KCNH8: variants seen among roughly 807,000 people sequenced by gnomAD.
KCNH8 encodes the protein voltage-gated delayed rectifier potassium channel KCNH8.
A neutral mutation model predicts 103.6 loss-of-function variants in KCNH8; 70 were observed. That is an observed-to-expected ratio of 0.68 (90% confidence interval 0.56 to 0.82). The LOEUF (loss-of-function observed/expected upper bound fraction) is 0.82, where lower values mean the gene tolerates loss of function less well. Among genes scored for constraint, KCNH8 ranks in the 40% least tolerant of loss-of-function variants. KCNH8 has a pLI of 0.00. For missense variants in KCNH8, 1,217 were observed against 1,329.9 expected, an observed-to-expected ratio of 0.92 and a Z score of 1.32; for synonymous variants, 498 against 489.4, an observed-to-expected ratio of 1.02 and a Z score of -0.23.
intron 5 of KCNH8, among the ~76,000 whole-genome samples, chr3:19,385,424 G>T (rs2066343327): frequency 6.6e-6 from 1 of 152,074 alleles, no homozygotes; most frequent in Admixed American, 6.6e-5. Flanking sequence ...TGACCCTACA[G>T]ATACAAAGCA....
At chr3:19,397,063 G>A (rs2066529754) in intron 7 of KCNH8, among the ~76,000 whole-genome samples, 2 of 151,844 alleles carry the variant, frequency 1.3e-5, no homozygotes, top group Non-Finnish European at 2.9e-5. Flanking sequence ...CAACATGCCA[G>A]GCTTGCTGCA....
intron 1 of KCNH8, among the ~76,000 whole-genome samples, chr3:19,167,479 T>C (rs774495912): frequency 3.9e-5 from 6 of 152,208 alleles, no homozygotes; most frequent in Non-Finnish European, 7.3e-5. Context: ...GAAGATTATC[T>C]ATTGAATCAT....
intron 11 of KCNH8, among the ~76,000 whole-genome samples, chr3:19,476,936 T>C (rs1239794530): frequency 1.3e-5 from 2 of 152,176 alleles, no homozygotes; most frequent in Non-Finnish European, 2.9e-5. Context: ...TTTGTATATA[T>C]TGTCAATGTC....
At chr3:19,202,434 C>G (rs1241313069) in intron 1 of KCNH8, among the ~76,000 whole-genome samples, 1 of 152,056 alleles carries the variant, frequency 6.6e-6, no homozygotes, top group Non-Finnish European at 1.5e-5. Flanking sequence ...CAGCCTGTCC[C>G]TCTATTCTCA....
At chr3:19,203,880 CTG>C (rs1484441095) in intron 1 of KCNH8, among the ~76,000 whole-genome samples, 1 of 151,856 alleles carries the variant, frequency 6.6e-6, no homozygotes, top group Non-Finnish European at 1.5e-5. Flanking sequence ...CAGAAAGTGA[CTG>C]TTATGCTATG....
intron 2 of KCNH8, among the ~76,000 whole-genome samples, chr3:19,257,836 G>A (rs1412911351): frequency 6.6e-6 from 1 of 152,080 alleles, no homozygotes; most frequent in Non-Finnish European, 1.5e-5. Context: ...CCGGAAGCTA[G>A]TAGTTCCTCT....
At chr3:19,405,503 G>A (rs2066678366) in intron 7 of KCNH8, among the ~76,000 whole-genome samples, 1 of 151,918 alleles carries the variant, frequency 6.6e-6, no homozygotes, top group African/African-American at 2.4e-5. Context: ...AGAAAATGAT[G>A]TATTTTATTA....
At chr3:19,159,886 G>A (rs978064336) in intron 1 of KCNH8, among the ~76,000 whole-genome samples, 1 of 152,050 alleles carries the variant, frequency 6.6e-6, no homozygotes, top group Non-Finnish European at 1.5e-5. Flanking sequence ...AGTGGAGTCA[G>A]TTGGAAATAT....
intron 1 of KCNH8, among the ~76,000 whole-genome samples, chr3:19,204,401 CT>C (rs2063693132): frequency 6.6e-6 from 1 of 151,832 alleles, no homozygotes; most frequent in African/African-American, 2.4e-5. Context: ...CTATGGTACT[CT>C]CTCTTGCTGG....
chr3:19,416,862 T>A (rs1308919865), intron 7 of KCNH8, among the ~76,000 whole-genome samples: 9 of 152,200 alleles, frequency 5.9e-5, no homozygotes, highest in African/African-American at 2.2e-4. Flanking sequence ...AGTTTCTTTG[T>A]TATTCCCATA....
intron 1 of KCNH8, among the ~76,000 whole-genome samples, chr3:19,170,613 T>TGC (rs1553620055): frequency 3.4e-4 from 48 of 143,210 alleles, no homozygotes; most frequent in African/African-American, 1.2e-3. Context: ...TATATATGTA[T>TGC]ACACACACAT....
chr3:19,485,354 A>T (rs2125218518), intron 11 of KCNH8, among the ~76,000 whole-genome samples: 1 of 152,342 alleles, frequency 6.6e-6, no homozygotes, highest in East Asian at 1.9e-4. Flanking sequence ...CCTCAAAAGG[A>T]GCTGCTCCAT....
At chr3:19,413,138 G>A (rs1459951558) in intron 7 of KCNH8, among the ~76,000 whole-genome samples, 1 of 93,236 alleles carries the variant, frequency 1.1e-5, no homozygotes, top group Non-Finnish European at 2.3e-5. Flanking sequence ...ATCAGCGGTG[G>A]ATTGGATAAA....
chr3:19,421,076 T>C (rs2066944442), intron 7 of KCNH8, among the ~76,000 whole-genome samples: 3 of 152,152 alleles, frequency 2.0e-5, no homozygotes, highest in Admixed American at 2.0e-4. Flanking sequence ...TTTGACACTT[T>C]TTAAAAAATT....
intron 1 of KCNH8, among the ~76,000 whole-genome samples, chr3:19,234,013 C>T (rs1161516022): frequency 6.6e-6 from 1 of 152,144 alleles, no homozygotes. Flanking sequence ...AACAAAGCTT[C>T]CACAGTGTGG....
chr3:19,357,756 A>G (rs2065898346), intron 5 of KCNH8, among the ~76,000 whole-genome samples: 1 of 151,942 alleles, frequency 6.6e-6, no homozygotes, highest in Admixed American at 6.6e-5. Flanking sequence ...ATGATATGCA[A>G]GTATGCTTTG....
rs7645201 is a variant in KCNH8, at chr3:19,366,551, T to C, written c.811+18586T>C. Among the ~76,000 whole-genome samples, 736 of 152,142 alleles carry C rather than the reference T, an allele frequency of 4.8e-3. 6 individuals are homozygous for C. Among genetic ancestry groups the C allele is most frequent in the African/African-American group, 0.016 (678 of 41,552 alleles). On this transcript the variant is annotated intron_variant, in intron 5 of 15. Coordinates refer to ENST00000328405, the MANE Select transcript of KCNH8 (RefSeq NM_144633.3). Reference sequence around the variant, plus strand: ...CTAAATTTAGAAACCCAGGAGAAAATTGTGAGTTCTTGATTTAGAAACTTA... The same window carrying C: ...CTAAATTTAGAAACCCAGGAGAAAACTGTGAGTTCTTGATTTAGAAACTTA...
At chr3:19,200,476 G>A (rs778328213) in intron 1 of KCNH8, among the ~76,000 whole-genome samples, 3 of 150,560 alleles carry the variant, frequency 2.0e-5, no homozygotes, top group Non-Finnish European at 3.0e-5. Flanking sequence ...CCAAAATTGT[G>A]AAGCTCTTAC....
intron 3 of KCNH8, among the ~76,000 whole-genome samples, chr3:19,336,217 G>C (rs767419127): frequency 1.3e-5 from 2 of 151,478 alleles, no homozygotes; most frequent in Non-Finnish European, 3.0e-5. Flanking sequence ...TACATCCATT[G>C]AGTTTGGATA....
Sources: gnomAD v4.1 joint callset for allele counts (sites outside exome capture counted in the v4.1 genomes callset) on GRCh38, gnomAD v4.1.1 for gene constraint, MANE v1.5 for transcripts, NCBI Gene and HGNC (gene_info 2026-07-23, HGNC 2026-07-21) for gene names.